PHACTR1: variants seen among roughly 807,000 people sequenced by gnomAD.
PHACTR1 encodes RPEL repeat containing 1.
PHACTR1 carries 16 observed loss-of-function variants against 69.2 expected under a neutral mutation model. The ratio of observed to expected loss-of-function variants is 0.23; its 90% confidence interval spans 0.16 to 0.35. The LOEUF (loss-of-function observed/expected upper bound fraction) is 0.35, where lower values mean the gene tolerates loss of function less well. Ranked by LOEUF, PHACTR1 falls within the 10% of genes least tolerant of loss-of-function variation. The probability of loss-of-function intolerance (pLI) is 1.00; values close to 1 mark genes in which losing one functional copy is unlikely to be tolerated. For missense variants in PHACTR1, 510 were observed against 734.7 expected (o/e 0.69, Z 3.54); for synonymous variants, 312 against 284.5 (o/e 1.10, Z -0.97).
chr6:12,942,398 C>T (rs1790150231), intron 4 of PHACTR1, among the ~76,000 whole-genome samples: 1 of 152,104 alleles, frequency 6.6e-6, no homozygotes, highest in African/African-American at 2.4e-5. Context: ...TTTGAAATAC[C>T]CTGCCCTGTT....
At chr6:12,959,824 C>T (rs985641709) in intron 4 of PHACTR1, among the ~76,000 whole-genome samples, 1 of 152,226 alleles carries the variant, frequency 6.6e-6, no homozygotes, top group African/African-American at 2.4e-5. Context: ...ATTTGCTCCT[C>T]TGCATAGATC....
intron 4 of PHACTR1, among the ~76,000 whole-genome samples, chr6:12,855,541 A>G (rs1422809484): frequency 6.6e-6 from 1 of 152,208 alleles, no homozygotes; most frequent in Non-Finnish European, 1.5e-5. Flanking sequence ...TTAACACAGA[A>G]ACAGAAAATA....
chr6:13,210,911 C>CTT (rs56769825), intron 8 of PHACTR1, among the ~76,000 whole-genome samples: 206 of 72,878 alleles, frequency 2.8e-3, no homozygotes, highest in East Asian at 0.01. Flanking sequence ...TTTATCATTT[C>CTT]TTTTTTTTTT....
At position 13,245,453 on chromosome 6, in the gene PHACTR1, C is replaced by T. The variant is rs929322782; in HGVS notation, c.1391+15260C>T. Among the ~76,000 whole-genome samples the T allele has an allele frequency of 6.6e-6, 1 of 152,040 alleles. No homozygotes were observed. The highest frequency in any genetic ancestry group is 1.5e-5 in the Non-Finnish European group (1 of 68,002). On this transcript the variant is annotated intron_variant, in intron 10 of 14. Coordinates refer to ENST00000332995, the MANE Select transcript of PHACTR1 (RefSeq NM_030948.6). This position sits in a 1 kb window ranked among gnomAD's most constrained non-coding sequence, Gnocchi z 4.1. ...TGAGCATTTTTTCATGTTTGTTGGC[C>T]ACATGGATTTCTGTTTTTGTAAAGT...
In PHACTR1 at chr6:13,011,454, C is replaced by T. The variant is rs190071830; in HGVS notation, c.251-41911C>T. Among the ~76,000 whole-genome samples, 158 of 152,308 alleles carry T rather than the reference C, an allele frequency of 1.0e-3. 2 individuals carry two copies. Among genetic ancestry groups the T allele is most frequent in the African/African-American group, 3.5e-3 (146 of 41,578 alleles). The stretch of plus-strand genomic sequence containing the variant: ...CCAGGTAAACTTCATACCTTTTATA[C>T]ACTTAACTTGAACAAAGGGCCCCTA... On this transcript the variant is annotated intron_variant, in intron 4 of 14. Transcript: ENST00000332995.
At chr6:13,243,137 G>A (rs1385478008) in intron 10 of PHACTR1, among the ~76,000 whole-genome samples, 1 of 151,932 alleles carries the variant, frequency 6.6e-6, no homozygotes, top group Non-Finnish European at 1.5e-5. Context: ...ATGAGTCAGG[G>A]CTCTGATCAT....
intron 8 of PHACTR1, among the ~76,000 whole-genome samples, chr6:13,211,172 G>A (rs1055926948): frequency 6.6e-6 from 1 of 152,004 alleles, no homozygotes; most frequent in Admixed American, 6.5e-5. Context: ...TTGGTTACAT[G>A]GATAAGTTCT....
At chr6:13,118,241 A>G (rs939194283) in intron 5 of PHACTR1, among the ~76,000 whole-genome samples, 1 of 152,206 alleles carries the variant, frequency 6.6e-6, no homozygotes, top group African/African-American at 2.4e-5. Context: ...ACATACATCC[A>G]GAAGCACCTA....
chr6:12,845,432 C>CT (rs1554149761), intron 4 of PHACTR1, among the ~76,000 whole-genome samples: 1 of 48,364 alleles, frequency 2.1e-5, no homozygotes, highest in African/African-American at 6.7e-5. Flanking sequence ...ACCACCCACC[C>CT]CCCCCCCCCC....
intron 5 of PHACTR1, among the ~76,000 whole-genome samples, chr6:13,071,972 TATA>T (rs1030536091): frequency 7.9e-5 from 12 of 152,376 alleles, no homozygotes; most frequent in Admixed American, 2.6e-4. Flanking sequence ...AGCATCATTT[TATA>T]ATAATATGTT....
At chr6:12,790,589 A>G (rs1365552861) in intron 4 of PHACTR1, among the ~76,000 whole-genome samples, 1 of 152,208 alleles carries the variant, frequency 6.6e-6, no homozygotes, top group Non-Finnish European at 1.5e-5. Flanking sequence ...TGTTTTGTTC[A>G]GTAACCAAGA....
At chr6:12,985,155 A>G (rs1204927163) in intron 4 of PHACTR1, among the ~76,000 whole-genome samples, 1 of 152,226 alleles carries the variant, frequency 6.6e-6, no homozygotes, top group Non-Finnish European at 1.5e-5. Flanking sequence ...CTAAGTTGAT[A>G]CTTTAAGATG....
In PHACTR1 at chr6:12,749,820, C is replaced by A. The variant is rs776042718; in HGVS notation, c.250+30C>A. ...GAACGCCCCTGGCGCCGCGCCCCCG[C>A]CCCCGCCCTGCTCCCTCCCTCCCCG... On this transcript the variant is annotated intron_variant, in intron 4 of 14. Transcript: ENST00000332995. 12 of 1,536,724 alleles carry A rather than the reference C, an allele frequency of 7.8e-6. No individual in the cohort carries two copies. In the East Asian group the frequency reaches 2.8e-4, roughly 36 times the overall value.
chr6:13,062,862 C>T (rs1010868844), intron 5 of PHACTR1, among the ~76,000 whole-genome samples: 1 of 152,204 alleles, frequency 6.6e-6, no homozygotes, highest in African/African-American at 2.4e-5. Flanking sequence ...ACCATGAAGA[C>T]TCTATGGCCC....
chr6:12,734,807 T>C (rs1027991024), intron 3 of PHACTR1, among the ~76,000 whole-genome samples: 1 of 152,158 alleles, frequency 6.6e-6, no homozygotes, highest in Non-Finnish European at 1.5e-5. Context: ...CTGGAAAGAT[T>C]TGTGCTGTCA....
chr6:13,203,703 AC>A (rs1020289246), intron 7 of PHACTR1, among the ~76,000 whole-genome samples: 2 of 152,210 alleles, frequency 1.3e-5, no homozygotes, highest in African/African-American at 4.8e-5. Flanking sequence ...AATATTCTAA[AC>A]TGAGGGAAAG....
chr6:13,061,150 C>G (rs941283594), intron 5 of PHACTR1, among the ~76,000 whole-genome samples: 4 of 152,168 alleles, frequency 2.6e-5, no homozygotes, highest in Admixed American at 6.5e-5. Flanking sequence ...TGTCTCAAGT[C>G]TCTCTCTTTC....
intron 3 of PHACTR1, among the ~76,000 whole-genome samples, chr6:12,722,388 C>A (rs1343052549): frequency 6.6e-6 from 1 of 152,168 alleles, no homozygotes; most frequent in South Asian, 2.1e-4. Context: ...AAGATAACAC[C>A]TTCTGTATTA....
chr6:13,140,293 A>G (rs1186820007), intron 5 of PHACTR1, among the ~76,000 whole-genome samples: 2 of 152,178 alleles, frequency 1.3e-5, no homozygotes, highest in African/African-American at 4.8e-5. Flanking sequence ...GTATATATCC[A>G]AAATAATTGA....
Sources: gnomAD v4.1 joint callset for allele counts (sites outside exome capture counted in the v4.1 genomes callset) on GRCh38, gnomAD v4.1.1 for gene constraint, Gnocchi (gnomAD v3.1) non-coding constraint, MANE v1.5 for transcripts, NCBI Gene and HGNC (gene_info 2026-07-23, HGNC 2026-07-21) for gene names.